COL24A1: variants seen among roughly 807,000 people sequenced by gnomAD.
The protein encoded by COL24A1 is collagen alpha-1(XXIV) chain.
Under a neutral mutation model 253.9 loss-of-function variants are expected in COL24A1, and 224 were observed. The ratio of observed to expected loss-of-function variants is 0.88; its 90% confidence interval spans 0.79 to 0.99. COL24A1 has a LOEUF of 0.99. Among genes scored for constraint, COL24A1 ranks in the 50% least tolerant of loss-of-function variants. The pLI is 0.00. For synonymous variants in COL24A1, 685 were observed against 673.7 expected (o/e 1.02, Z -0.26); for missense variants, 2,131 against 2,068.5 (o/e 1.03, Z -0.59).
At chr1:86,120,491 A>T (rs1027268581) in intron 3 of COL24A1, among the ~76,000 whole-genome samples, 1 of 152,252 alleles carries the variant, frequency 6.6e-6, no homozygotes, top group Non-Finnish European at 1.5e-5. Flanking sequence ...GGATATGAAC[A>T]GACACTTCTC....
intron 19 of COL24A1, among the ~76,000 whole-genome samples, chr1:86,006,361 A>G (rs1340358241): frequency 6.6e-6 from 1 of 152,208 alleles, no homozygotes; most frequent in African/African-American, 2.4e-5. Context: ...ACCCACATAA[A>G]TACAGTCACC....
chr1:85,996,840 TGCA>T (rs2101013900), intron 19 of COL24A1, among the ~76,000 whole-genome samples: 1 of 151,968 alleles, frequency 6.6e-6, no homozygotes, highest in South Asian at 2.1e-4. Flanking sequence ...TGTGTATGTT[TGCA>T]GCATGGAGTG....
chr1:86,033,817 A>G (rs1698782265), intron 13 of COL24A1, 53 bp downstream of exon 13: 6 of 1,487,438 alleles, frequency 4.0e-6, no homozygotes, highest in Non-Finnish European at 4.7e-6. Flanking sequence ...GTGCAGTGCT[A>G]TGAAGTATGA....
intron 2 of COL24A1, among the ~76,000 whole-genome samples, chr1:86,129,864 AATAC>A (rs1243628235): frequency 6.6e-6 from 1 of 151,858 alleles, no homozygotes; most frequent in East Asian, 1.9e-4. Flanking sequence ...TACAAAATTT[AATAC>A]ATACCAGTTA....
chr1:85,805,966 C>T (rs1671918042), intron 47 of COL24A1, among the ~76,000 whole-genome samples: 1 of 151,428 alleles, frequency 6.6e-6, no homozygotes, highest in Non-Finnish European at 1.5e-5. Flanking sequence ...GTCCCAGCTA[C>T]TCTGGAGGCT....
At chr1:85,883,113 C>A (rs1402899902) in intron 32 of COL24A1, among the ~76,000 whole-genome samples, 1 of 152,062 alleles carries the variant, frequency 6.6e-6, no homozygotes, top group African/African-American at 2.4e-5. Context: ...CTGTGGACTG[C>A]GTTAGTTTTC....
chr1:85,981,393 A>C (rs949364853), intron 20 of COL24A1, among the ~76,000 whole-genome samples: 1 of 152,218 alleles, frequency 6.6e-6, no homozygotes, highest in Non-Finnish European at 1.5e-5. Flanking sequence ...AAGTGGGGAA[A>C]GAAAGGACAC....
chr1:85,810,590 G>A (rs1558211951), intron 47 of COL24A1, among the ~76,000 whole-genome samples: 1 of 152,068 alleles, frequency 6.6e-6, no homozygotes, highest in Non-Finnish European at 1.5e-5. Context: ...GGGGGCTGGG[G>A]GAGTTGTTTG....
chr1:86,115,803 A>T (rs754210219), intron 3 of COL24A1, among the ~76,000 whole-genome samples: 3 of 152,180 alleles, frequency 2.0e-5, no homozygotes, highest in Non-Finnish European at 4.4e-5. Flanking sequence ...CATTTTATGT[A>T]CTTTTAAAAG....
Position 85,962,954 on chromosome 1 carries a change from T to G in COL24A1, c.2518-1661A>C, listed in dbSNP as rs570227103. Among the ~76,000 whole-genome samples, 3 of 152,246 alleles carry G rather than the reference T, an allele frequency of 2.0e-5. No homozygotes were observed. In the East Asian group the frequency reaches 5.8e-4, roughly 29 times the overall value. ...AAAATACATCAGACTTCAAAGACTTTCTACAAAACAAGAATAGAAAACATC... is the reference window on the plus strand; with the variant it reads ...AAAATACATCAGACTTCAAAGACTTGCTACAAAACAAGAATAGAAAACATC... On this transcript the variant is annotated intron_variant, in intron 23 of 59. Transcript: ENST00000370571.
intron 52 of COL24A1, 41 bp from the exon 53 acceptor site, chr1:85,775,750 A>G: frequency 1.3e-6 from 2 of 1,527,858 alleles, no homozygotes; most frequent in Admixed American, 1.9e-5. Flanking sequence ...TGTTATTGAT[A>G]GTTACGTATT....
chr1:86,150,648 T>C (rs1652632304), intron 1 of COL24A1, among the ~76,000 whole-genome samples: 1 of 152,176 alleles, frequency 6.6e-6, no homozygotes, highest in Non-Finnish European at 1.5e-5. Context: ...TTCATTGACA[T>C]AGTCAGTTTG....
intron 1 of COL24A1, among the ~76,000 whole-genome samples, chr1:86,150,046 C>G (rs577660712): frequency 6.6e-6 from 1 of 152,268 alleles, no homozygotes; most frequent in African/African-American, 2.4e-5. Flanking sequence ...TCCCACTACC[C>G]CTGATATCTC....
chr1:85,841,540 A>C (rs2102249241), intron 41 of COL24A1, among the ~76,000 whole-genome samples: 1 of 152,294 alleles, frequency 6.6e-6, no homozygotes, highest in Non-Finnish European at 1.5e-5. Flanking sequence ...GATTTCAATG[A>C]TATTGTAAAT....
intron 7 of COL24A1, among the ~76,000 whole-genome samples, chr1:86,074,774 A>C (rs1702129651): frequency 6.6e-6 from 1 of 152,228 alleles, no homozygotes; most frequent in Non-Finnish European, 1.5e-5. Flanking sequence ...ACTACATGGA[A>C]ACTGAACAAC....
At chr1:85,798,992 G>A (rs1052987376) in intron 47 of COL24A1, among the ~76,000 whole-genome samples, 2 of 152,062 alleles carry the variant, frequency 1.3e-5, no homozygotes, top group Non-Finnish European at 2.9e-5. Flanking sequence ...TACTATGCTT[G>A]TACAGAAGTT....
intron 3 of COL24A1, among the ~76,000 whole-genome samples, chr1:86,123,331 C>A (rs971277695): frequency 1.4e-5 from 1 of 73,140 alleles, no homozygotes; most frequent in Non-Finnish European, 3.1e-5. Flanking sequence ...GAGACTCCAT[C>A]AAAAAATACT....
chr1:85,840,373 C>G (rs888943306), intron 42 of COL24A1, among the ~76,000 whole-genome samples: 2 of 152,070 alleles, frequency 1.3e-5, no homozygotes, highest in Non-Finnish European at 2.9e-5. Flanking sequence ...TCTATTGCCT[C>G]TATATGAGAT....
In COL24A1 at chr1:85,936,331, C is replaced by A. The variant is rs901558985; in HGVS notation, c.2563-24898G>T. The stretch of plus-strand genomic sequence containing the variant: ...ACCTCTCCCCTGTAAGAAAACGTAA[C>A]CCAGTTAGGATTCCCACCACCTCCT... On this transcript the variant is annotated intron_variant, in intron 24 of 59. Transcript: ENST00000370571. Among the ~76,000 whole-genome samples, 49 of 147,158 alleles carry A rather than the reference C, an allele frequency of 3.3e-4. 5 individuals carry two copies. Among genetic ancestry groups the A allele is most frequent in the Admixed American group, 1.6e-3 (24 of 14,620 alleles).
Sources: allele counts gnomAD v4.1 joint callset (sites outside exome capture counted in the v4.1 genomes callset), GRCh38; gene constraint gnomAD v4.1.1; transcripts MANE v1.5; gene names NCBI Gene and HGNC (gene_info 2026-07-23, HGNC 2026-07-21).